Variants in MED12L observed in about 807,000 individuals in gnomAD.
The protein encoded by MED12L is mediator of RNA polymerase II transcription subunit 12-like protein.
Under a neutral mutation model 281.3 loss-of-function variants are expected in MED12L, and 60 were observed. The ratio of observed to expected loss-of-function variants is 0.21; its 90% confidence interval spans 0.17 to 0.26. The LOEUF (loss-of-function observed/expected upper bound fraction) is 0.26, where lower values mean the gene tolerates loss of function less well. MED12L is among the 10% of genes least tolerant of loss of function. The pLI, the probability that MED12L is intolerant of heterozygous loss-of-function variation, is 1.00. For missense variants in MED12L, 2,146 were observed against 2,680.9 expected, an observed-to-expected ratio of 0.80 and a Z score of 4.41; for synonymous variants, 974 against 987.2, an observed-to-expected ratio of 0.99 and a Z score of 0.25.
chr3:151,231,481 T>C (rs748784581), intron 16 of MED12L, among the ~76,000 whole-genome samples: 1 of 152,210 alleles, frequency 6.6e-6, no homozygotes, highest in Non-Finnish European at 1.5e-5. Flanking sequence ...TTTAGTTAGA[T>C]GTACACAACA....
intron 16 of MED12L, among the ~76,000 whole-genome samples, chr3:151,228,110 A>G (rs1256578512): frequency 6.6e-6 from 1 of 152,164 alleles, no homozygotes; most frequent in Admixed American, 6.5e-5. Context: ...TCTGTATGCT[A>G]AGGTCTAGGA....
intron 16 of MED12L, chr3:151,269,443 A>T: frequency 4.2e-6 from 1 of 237,362 alleles, no homozygotes; most frequent in Non-Finnish European, 8.2e-6. Context: ...ACACACACAA[A>T]ATTCAGAGAC....
At chr3:151,376,908 A>C (rs1756921447) in intron 29 of MED12L, 34 bp downstream of exon 29, 1 of 1,612,402 alleles carries the variant, frequency 6.2e-7, no homozygotes, top group South Asian at 1.1e-5. Flanking sequence ...CTCTGTATGA[A>C]ATTTTATAAA....
At position 151,141,196 on chromosome 3, in the gene MED12L, T is replaced by G. The variant is rs949895806; in HGVS notation, c.556+13212T>G. Among the ~76,000 whole-genome samples the G allele has an allele frequency of 6.5e-4, 93 of 143,926 alleles. 1 individual carries two copies. The highest frequency in any genetic ancestry group is 9.2e-4 in the Non-Finnish European group (61 of 66,600). 94.4% of individuals were successfully genotyped at this position (143,926 alleles called of 152,430 possible). ...TTTTTTTGTTTTTTTTGTTTTTTTT[T>G]TTTTGTTAGTAGAGACGGGGTTTCA... On this transcript the variant is annotated intron_variant, in intron 5 of 44. Transcript: ENST00000687756.
intron 39 of MED12L, among the ~76,000 whole-genome samples, chr3:151,398,631 C>T (rs1251340336): frequency 6.6e-6 from 1 of 152,144 alleles, no homozygotes; most frequent in African/African-American, 2.4e-5. Context: ...TTCCCTATAG[C>T]TTTAGTGCAT....
At chr3:151,286,187 G>A (rs1743483863) in intron 16 of MED12L, among the ~76,000 whole-genome samples, 1 of 152,096 alleles carries the variant, frequency 6.6e-6, no homozygotes, top group Non-Finnish European at 1.5e-5. Flanking sequence ...CTCCTGATCA[G>A]CTTTTCATTT....
intron 3 of MED12L, among the ~76,000 whole-genome samples, chr3:151,118,854 A>G (rs1419371398): frequency 6.6e-6 from 1 of 151,834 alleles, no homozygotes; most frequent in Non-Finnish European, 1.5e-5. Context: ...CACCTGGCTA[A>G]TTTTTGTATT....
chr3:151,259,078 A>G lies in MED12L; in HGVS notation c.2250+65412A>G, dbSNP rs185861925. Reference sequence around the variant, plus strand: ...TTTTTAAACGCATTTGGGAAATGACATACTTTAAATATACTGGAATAAGGA... The same window carrying G: ...TTTTTAAACGCATTTGGGAAATGACGTACTTTAAATATACTGGAATAAGGA... On this transcript the variant is annotated intron_variant, in intron 16 of 44. Coordinates refer to ENST00000687756, the MANE Select transcript of MED12L (RefSeq NM_001393769.1). Among the ~76,000 whole-genome samples, 37 of 152,350 alleles carry G rather than the reference A, an allele frequency of 2.4e-4. No individual in the cohort carries two copies. The East Asian group carries it at 6.2e-3, about 25-fold the overall frequency.
intron 16 of MED12L, among the ~76,000 whole-genome samples, chr3:151,344,297 CTAA>C (rs1329963107): frequency 1.6e-5 from 1 of 63,118 alleles, no homozygotes; most frequent in African/African-American, 8.9e-5. Context: ...TGTATAGTTA[CTAA>C]TGATTAAAAA....
In MED12L at chr3:151,104,030, C is replaced by G. The variant is rs541632485; in HGVS notation, c.100-12308C>G. On this transcript the variant is annotated intron_variant, in intron 2 of 44. Transcript: ENST00000687756. ...CATGATTTTTTTCTTTTTGCCTGCT[C>G]TAGGTACGGATGTTAAGATAGTATT... Among the ~76,000 whole-genome samples, 3 of 152,244 alleles carry G rather than the reference C, an allele frequency of 2.0e-5. No individual in the cohort carries two copies. The South Asian group carries it at 6.2e-4, about 32-fold the overall frequency.
rs1418571707 is a variant in MED12L, at chr3:151,434,385, A to G, written c.*1581A>G. 6.6e-6 allele frequency: 1 copy of G among 152,236 alleles called. No individual in the cohort carries two copies. The highest frequency in any genetic ancestry group is 1.5e-5 in the Non-Finnish European group (1 of 68,038). 9.4% of individuals were successfully genotyped at this position (152,236 alleles called of 1,614,324 possible). ...AGCTTACTTTGCTGTGGCAACATCC[A>G]TGTGAACTGCTTTGTACACTGTGAA... On this transcript the variant is annotated 3_prime_UTR_variant, in exon 45 of 45. Coordinates refer to ENST00000687756, the MANE Select transcript of MED12L (RefSeq NM_001393769.1).
At chr3:151,121,493 A>T (rs988799826) in intron 3 of MED12L, among the ~76,000 whole-genome samples, 2 of 152,198 alleles carry the variant, frequency 1.3e-5, no homozygotes, top group Admixed American at 6.5e-5. Flanking sequence ...CTAATTGTTT[A>T]TTGACTCATT....
chr3:151,189,240 G>T (rs140780290), intron 13 of MED12L, among the ~76,000 whole-genome samples: 2 of 152,272 alleles, frequency 1.3e-5, no homozygotes, highest in Non-Finnish European at 2.9e-5. Flanking sequence ...TCTGAGGAGG[G>T]GCCTGAGTGA....
intron 16 of MED12L, among the ~76,000 whole-genome samples, chr3:151,298,909 A>G (rs1745484302): frequency 6.6e-6 from 1 of 152,186 alleles, no homozygotes; most frequent in Admixed American, 6.5e-5. Context: ...GCCAGTGCAG[A>G]TACAGGGAAT....
intron 11 of MED12L, among the ~76,000 whole-genome samples, chr3:151,182,565 G>A (rs1181006886): frequency 2.0e-5 from 3 of 152,156 alleles, no homozygotes; most frequent in Non-Finnish European, 4.4e-5. Flanking sequence ...AAACTCGGGG[G>A]TAAGGAACGC....
At chr3:151,253,311 T>C (rs944762938) in intron 16 of MED12L, among the ~76,000 whole-genome samples, 4 of 152,276 alleles carry the variant, frequency 2.6e-5, no homozygotes, top group South Asian at 2.1e-4. Flanking sequence ...CCGGAAACCA[T>C]TGACTGTCCC....
intron 11 of MED12L, among the ~76,000 whole-genome samples, chr3:151,175,184 C>G (rs1480000270): frequency 6.6e-6 from 1 of 152,144 alleles, no homozygotes; most frequent in Non-Finnish European, 1.5e-5. Context: ...GTTCATCCAG[C>G]TCCTCACAGT....
intron 8 of MED12L, among the ~76,000 whole-genome samples, chr3:151,161,808 G>T (rs1271423493): frequency 6.6e-6 from 1 of 152,130 alleles, no homozygotes; most frequent in African/African-American, 2.4e-5. Flanking sequence ...GCTAAACTGG[G>T]GTCTGCAGAA....
intron 39 of MED12L, among the ~76,000 whole-genome samples, chr3:151,397,272 G>A (rs1715098726): frequency 1.3e-5 from 2 of 152,192 alleles, no homozygotes; most frequent in African/African-American, 4.8e-5. Flanking sequence ...TAACTATGGA[G>A]TCTCTGAAGG....
Sources: gnomAD v4.1 joint callset for allele counts (sites outside exome capture counted in the v4.1 genomes callset) on GRCh38, gnomAD v4.1.1 for gene constraint, MANE v1.5 for transcripts, NCBI Gene and HGNC (gene_info 2026-07-23, HGNC 2026-07-21) for gene names.